Variants in FRMPD4 observed in about 807,000 individuals in gnomAD.
The protein encoded by FRMPD4 is FERM and PDZ domain containing 4, also known as FERM and PDZ domain-containing protein 4.
A neutral mutation model predicts 94.1 loss-of-function variants in FRMPD4; 22 were observed. The observed-to-expected ratio is 0.23, with a 90% CI of 0.17 to 0.33. The LOEUF (loss-of-function observed/expected upper bound fraction) is 0.33, where lower values mean the gene tolerates loss of function less well. FRMPD4 is among the 10% of genes least tolerant of loss of function. The pLI is 1.00. For synonymous variants in FRMPD4, 631 were observed against 548.6 expected, an observed-to-expected ratio of 1.15 and a Z score of -2.10; for missense variants, 1,111 against 1,339.9, an observed-to-expected ratio of 0.83 and a Z score of 2.67.
chrX:12,471,821 G>A (rs183300949), intron 1 of FRMPD4, among the ~76,000 whole-genome samples: 1 of 112,157 alleles, frequency 8.9e-6, no homozygotes, highest in South Asian at 3.7e-4. Context: ...CTCACATCAT[G>A]TCTGCCAATG....
intron 1 of FRMPD4, among the ~76,000 whole-genome samples, chrX:12,160,911 G>T (rs1324471879): frequency 3.6e-5 from 4 of 110,674 alleles, no homozygotes; most frequent in African/African-American, 9.9e-5. Flanking sequence ...TATAATAAGG[G>T]TATTACTAAT....
chrX:12,141,359 A>G (rs2055687240), intron 1 of FRMPD4, among the ~76,000 whole-genome samples: 1 of 111,979 alleles, frequency 8.9e-6, no homozygotes, highest in Admixed American at 9.5e-5. Flanking sequence ...GTTAATTCAG[A>G]AGGCATATCT....
intron 1 of FRMPD4, among the ~76,000 whole-genome samples, chrX:12,285,279 G>T (rs1040743717): frequency 7.2e-5 from 8 of 111,750 alleles, no homozygotes; most frequent in Non-Finnish European, 1.9e-5. Context: ...AACACCCATG[G>T]TTCCATCCTG....
intron 1 of FRMPD4, among the ~76,000 whole-genome samples, chrX:12,490,659 A>G (rs1278016311): frequency 9.0e-6 from 1 of 111,707 alleles, no homozygotes; most frequent in Non-Finnish European, 1.9e-5. Context: ...GAGAAAGCTG[A>G]TGTTTGGACA....
chrX:12,047,711 G>A (rs2054793522), intron 3 of FRMPD4, among the ~76,000 whole-genome samples: 1 of 111,572 alleles, frequency 9.0e-6, no homozygotes, highest in Non-Finnish European at 1.9e-5. Flanking sequence ...ATGTGTACCC[G>A]ATGTTTAGCT....
intron 1 of FRMPD4, among the ~76,000 whole-genome samples, chrX:12,279,452 T>C (rs2054491633): frequency 8.9e-6 from 1 of 112,364 alleles, no homozygotes; most frequent in African/African-American, 3.2e-5. Flanking sequence ...CTGCCCTCTT[T>C]TATGGATAGA....
At chrX:12,615,426 G>A (rs1192588107) in intron 4 of FRMPD4, among the ~76,000 whole-genome samples, 1 of 112,154 alleles carries the variant, frequency 8.9e-6, no homozygotes, top group Non-Finnish European at 1.9e-5. Context: ...GTAAATATAA[G>A]TAGTTTGTTA....
At chrX:12,318,947 G>A (rs2055167483) in intron 1 of FRMPD4, among the ~76,000 whole-genome samples, 1 of 110,551 alleles carries the variant, frequency 9.0e-6, no homozygotes, top group South Asian at 3.8e-4. Flanking sequence ...ATGAAATGAC[G>A]ACAATTTCAA....
chrX:12,026,346 G>A (rs766142374), intron 3 of FRMPD4, among the ~76,000 whole-genome samples: 1 of 111,345 alleles, frequency 9.0e-6, no homozygotes, highest in African/African-American at 3.3e-5. Context: ...TACTAGGGAT[G>A]GAGATAAAAA....
intron 1 of FRMPD4, among the ~76,000 whole-genome samples, chrX:12,463,679 G>GTTTTTTT (rs1569286293): frequency 6.0e-5 from 2 of 33,335 alleles, no homozygotes; most frequent in African/African-American, 2.3e-4. Flanking sequence ...TCCTATGTGT[G>GTTTTTTT]TGTTTTTTTT....
chrX:12,345,093 A>G (rs764306539), intron 1 of FRMPD4, among the ~76,000 whole-genome samples: 3 of 100,111 alleles, frequency 3.0e-5, no homozygotes, highest in African/African-American at 4.1e-5. Flanking sequence ...TGAATGAATG[A>G]ATGGATGGAT....
chrX:12,130,725 C>A (rs963806857), intron 3 of FRMPD4, among the ~76,000 whole-genome samples: 5 of 110,633 alleles, frequency 4.5e-5, no homozygotes, highest in African/African-American at 1.6e-4. Flanking sequence ...GCAATTTATC[C>A]ATCAAGCAGA....
At chrX:12,503,458 C>T (rs1283281367) in intron 2 of FRMPD4, among the ~76,000 whole-genome samples, 1 of 111,845 alleles carries the variant, frequency 8.9e-6, no homozygotes. Flanking sequence ...AACTCTGAAT[C>T]CTGAAGAGTA....
chrX:12,438,637 AGTGCATCACAT>A (rs2057097427), intron 1 of FRMPD4, among the ~76,000 whole-genome samples: 1 of 111,184 alleles, frequency 9.0e-6, no homozygotes, highest in Non-Finnish European at 1.9e-5. Flanking sequence ...GGATTAATTC[AGTGCATCACAT>A]GTCACCTTGT....
intron 1 of FRMPD4, among the ~76,000 whole-genome samples, chrX:12,376,441 A>G (rs1296875246): frequency 8.9e-6 from 1 of 112,726 alleles, no homozygotes; most frequent in Non-Finnish European, 1.9e-5. Context: ...TGTCTGTGCT[A>G]TGATTAGAAA....
At chrX:12,442,967 A>T (rs1356601421) in intron 1 of FRMPD4, among the ~76,000 whole-genome samples, 1 of 112,052 alleles carries the variant, frequency 8.9e-6, no homozygotes, top group Non-Finnish European at 1.9e-5. Flanking sequence ...GAGAAGCAAA[A>T]TAAGCCCATT....
intron 1 of FRMPD4, among the ~76,000 whole-genome samples, chrX:12,420,424 C>T (rs1414855206): frequency 8.9e-6 from 1 of 111,957 alleles, no homozygotes; most frequent in Admixed American, 9.4e-5. Flanking sequence ...CAGAGCTCAT[C>T]AATTCACTAT....
chrX:12,089,828 A>G (rs142300351), intron 3 of FRMPD4, among the ~76,000 whole-genome samples: 12 of 112,090 alleles, frequency 1.1e-4, no homozygotes, highest in Admixed American at 5.7e-4. Context: ...GCATAGTGCA[A>G]CAAGAGATAC....
chrX:12,083,126 A>G (rs1376813902), intron 3 of FRMPD4, among the ~76,000 whole-genome samples: 1 of 112,739 alleles, frequency 8.9e-6, no homozygotes, highest in Non-Finnish European at 1.9e-5. Context: ...AGAGACCTTC[A>G]TGGCATCCCC....
Sources: gnomAD v4.1 joint callset for allele counts (sites outside exome capture counted in the v4.1 genomes callset) on GRCh38, gnomAD v4.1.1 for gene constraint, MANE v1.5 for transcripts, NCBI Gene and HGNC (gene_info 2026-07-23, HGNC 2026-07-21) for gene names.